CDH12: variants seen among roughly 807,000 people sequenced by gnomAD.
The protein encoded by CDH12 is cadherin-12.
Under a neutral mutation model 74.1 loss-of-function variants are expected in CDH12, and 41 were observed. The observed-to-expected ratio is 0.55, with a 90% CI of 0.43 to 0.72. The LOEUF is 0.72. Ranked by LOEUF, CDH12 falls within the 30% of genes least tolerant of loss-of-function variation. The pLI is 0.00. For missense variants in CDH12, 945 were observed against 977.2 expected (o/e 0.97, Z 0.44); for synonymous variants, 399 against 355.0 (o/e 1.12, Z -1.39).
chr5:22,575,914 A>G (rs1739766781), intron 1 of CDH12, among the ~76,000 whole-genome samples: 1 of 151,382 alleles, frequency 6.6e-6, no homozygotes, highest in African/African-American at 2.4e-5. Context: ...ATTTATTTTT[A>G]TCAGTGCAGG....
chr5:21,839,884 A>G (rs1426633194), intron 8 of CDH12, among the ~76,000 whole-genome samples: 2 of 152,154 alleles, frequency 1.3e-5, no homozygotes, highest in Non-Finnish European at 2.9e-5. Flanking sequence ...CACCAGGAAT[A>G]AAACAGGTAG....
At chr5:22,029,954 T>C (rs1216145710) in intron 5 of CDH12, among the ~76,000 whole-genome samples, 1 of 151,896 alleles carries the variant, frequency 6.6e-6, no homozygotes, top group Non-Finnish European at 1.5e-5. Flanking sequence ...TGAGTTCATG[T>C]CCTTTGTAGG....
At chr5:22,237,164 T>TG (rs1752588143) in intron 3 of CDH12, among the ~76,000 whole-genome samples, 2 of 152,280 alleles carry the variant, frequency 1.3e-5, no homozygotes, top group South Asian at 4.1e-4. Context: ...GTGAGTCATG[T>TG]GCACACTACA....
chr5:22,390,734 T>G (rs1261453803), intron 3 of CDH12, among the ~76,000 whole-genome samples: 3 of 152,256 alleles, frequency 2.0e-5, no homozygotes, highest in Non-Finnish European at 2.9e-5. Flanking sequence ...AAGACAAAAT[T>G]GTGGTCACGA....
chr5:21,901,617 T>A (rs899942434), intron 6 of CDH12, among the ~76,000 whole-genome samples: 2 of 152,122 alleles, frequency 1.3e-5, no homozygotes, highest in African/African-American at 4.8e-5. Flanking sequence ...CCCATCACAT[T>A]TTGGCAAACA....
intron 3 of CDH12, among the ~76,000 whole-genome samples, chr5:22,240,578 G>A (rs1415947342): frequency 1.3e-5 from 2 of 152,186 alleles, no homozygotes; most frequent in African/African-American, 4.8e-5. Flanking sequence ...CCTTCGCCTA[G>A]GCTGGACTGC....
intron 1 of CDH12, among the ~76,000 whole-genome samples, chr5:22,715,901 C>A (rs1263684660): frequency 6.6e-6 from 1 of 151,826 alleles, no homozygotes; most frequent in East Asian, 1.9e-4. Flanking sequence ...CTTTGGGAGG[C>A]CTTGGTGTGC....
At chr5:22,557,788 T>A (rs1738865785) in intron 1 of CDH12, among the ~76,000 whole-genome samples, 1 of 152,150 alleles carries the variant, frequency 6.6e-6, no homozygotes, top group South Asian at 2.1e-4. Flanking sequence ...GAAGATTAGC[T>A]GACTAATCTA....
intron 3 of CDH12, among the ~76,000 whole-genome samples, chr5:22,255,448 AT>A (rs1164110634): frequency 1.3e-5 from 2 of 151,782 alleles, no homozygotes; most frequent in African/African-American, 4.8e-5. Flanking sequence ...ACAATACTAT[AT>A]TTTTTGTTAC....
chr5:22,519,473 G>C (rs1268628013), intron 1 of CDH12, among the ~76,000 whole-genome samples: 2 of 150,282 alleles, frequency 1.3e-5, no homozygotes, highest in Non-Finnish European at 3.0e-5. Context: ...ACCCAGGCTG[G>C]AGTCTAGTGG....
At chr5:22,122,899 G>C (rs980162491) in intron 4 of CDH12, among the ~76,000 whole-genome samples, 2 of 152,182 alleles carry the variant, frequency 1.3e-5, no homozygotes, top group Non-Finnish European at 2.9e-5. Flanking sequence ...CTTTGGACTG[G>C]AACTACATCA....
chr5:22,397,741 T>C (rs1056472259), intron 3 of CDH12, among the ~76,000 whole-genome samples: 1 of 152,148 alleles, frequency 6.6e-6, no homozygotes, highest in African/African-American at 2.4e-5. Flanking sequence ...TCCGTGGTGC[T>C]TCAGACTATG....
At chr5:21,912,681 C>G (rs992010754) in intron 6 of CDH12, among the ~76,000 whole-genome samples, 1 of 152,126 alleles carries the variant, frequency 6.6e-6, no homozygotes, top group African/African-American at 2.4e-5. Flanking sequence ...ATGCCCGGTC[C>G]ACACCCTAAA....
chr5:21,993,143 G>A (rs563455182), intron 5 of CDH12, among the ~76,000 whole-genome samples: 1 of 152,108 alleles, frequency 6.6e-6, no homozygotes, highest in Non-Finnish European at 1.5e-5. Context: ...GAGATTGGCG[G>A]GGGGTGGAGG....
At chr5:22,216,112 A>G (rs1257469362) in intron 3 of CDH12, among the ~76,000 whole-genome samples, 1 of 152,062 alleles carries the variant, frequency 6.6e-6, no homozygotes, top group Non-Finnish European at 1.5e-5. Flanking sequence ...GCTCCCCACT[A>G]TGTCGAACAA....
At position 22,457,859 on chromosome 5, in the gene CDH12, C is replaced by G. The variant is rs1745346433; in HGVS notation, c.-428+47411G>C. 2.6e-5 allele frequency among the ~76,000 whole-genome samples: 4 copies of G among 152,160 alleles called. No homozygotes were observed. The South Asian group carries it at 8.3e-4, about 31-fold the overall frequency. On this transcript the variant is annotated intron_variant, in intron 2 of 14. Transcript: ENST00000382254. ...TCCTGGGTTCAAGCAATTCTCCTGC[C>G]TCAGTCTCCCGAGTAGCTGGGATTA...
intron 6 of CDH12, among the ~76,000 whole-genome samples, chr5:21,941,221 A>G (rs570253213): frequency 6.6e-6 from 1 of 152,300 alleles, no homozygotes; most frequent in Non-Finnish European, 1.5e-5. Flanking sequence ...AACCAATGTC[A>G]AGCTTTAGGA....
intron 1 of CDH12, among the ~76,000 whole-genome samples, chr5:22,759,175 A>G (rs1340657030): frequency 6.6e-6 from 1 of 152,030 alleles, no homozygotes; most frequent in African/African-American, 2.4e-5. Context: ...ATATTTCACC[A>G]TCTAGACTGC....
chr5:22,046,033 A>G (rs1472768542), intron 5 of CDH12, among the ~76,000 whole-genome samples: 3 of 152,222 alleles, frequency 2.0e-5, no homozygotes, highest in Non-Finnish European at 2.9e-5. Flanking sequence ...TAAAAATAAA[A>G]TAAAACTTAG....
Sources: allele counts gnomAD v4.1 joint callset (sites outside exome capture counted in the v4.1 genomes callset), GRCh38; gene constraint gnomAD v4.1.1; transcripts MANE v1.5; gene names NCBI Gene and HGNC (gene_info 2026-07-23, HGNC 2026-07-21).